The following KLHL1 variants were observed in gnomAD, a reference collection of about 807,000 sequenced individuals.
KLHL1 encodes kelch-like protein 1.
Under a neutral mutation model 77.7 loss-of-function variants are expected in KLHL1, and 47 were observed. The observed-to-expected ratio is 0.60, with a 90% CI of 0.48 to 0.77. The LOEUF is 0.77. Ranked by LOEUF, KLHL1 falls within the 30% of genes least tolerant of loss-of-function variation. The pLI, the probability that KLHL1 is intolerant of heterozygous loss-of-function variation, is 0.00. For synonymous variants in KLHL1, 360 were observed against 325.2 expected (o/e 1.11, Z -1.15); for missense variants, 925 against 910.8 (o/e 1.02, Z -0.20).
At chr13:69,928,293 A>T (rs545539347) in intron 4 of KLHL1, among the ~76,000 whole-genome samples, 2 of 152,130 alleles carry the variant, frequency 1.3e-5, no homozygotes, top group Admixed American at 1.3e-4. Flanking sequence ...CCAATTGACA[A>T]TCTCCACACT....
At chr13:69,717,175 T>A (rs944226311) in intron 9 of KLHL1, among the ~76,000 whole-genome samples, 1 of 152,150 alleles carries the variant, frequency 6.6e-6, no homozygotes, top group Non-Finnish European at 1.5e-5. Flanking sequence ...CCTTGTGATA[T>A]AATAAAATGT....
chr13:69,971,963 T>C (rs1884393851), intron 2 of KLHL1, among the ~76,000 whole-genome samples: 1 of 152,010 alleles, frequency 6.6e-6, no homozygotes, highest in Non-Finnish European at 1.5e-5. Flanking sequence ...ATCCAAGTGA[T>C]CAAGAAAACA....
intron 4 of KLHL1, among the ~76,000 whole-genome samples, chr13:69,939,455 A>G (rs1488595171): frequency 6.7e-6 from 1 of 150,342 alleles, no homozygotes; most frequent in Admixed American, 6.7e-5. Flanking sequence ...CCATAAAATC[A>G]TACTGGCATA....
intron 7 of KLHL1, among the ~76,000 whole-genome samples, chr13:69,742,409 C>G (rs889723253): frequency 1.3e-5 from 2 of 152,096 alleles, no homozygotes; most frequent in African/African-American, 4.8e-5. Flanking sequence ...ATGAGAGACC[C>G]ATGAAGAATT....
At chr13:69,978,358 A>T (rs1884608251) in intron 1 of KLHL1, among the ~76,000 whole-genome samples, 1 of 151,798 alleles carries the variant, frequency 6.6e-6, no homozygotes, top group Non-Finnish European at 1.5e-5. Context: ...ATTAGGTTTT[A>T]AAATTCAAGA....
intron 1 of KLHL1, among the ~76,000 whole-genome samples, chr13:70,014,254 TTC>T (rs1277912428): frequency 6.6e-5 from 10 of 152,114 alleles, no homozygotes; most frequent in Admixed American, 6.5e-5. Context: ...TATATTAATT[TTC>T]TGTTTAAATA....
At chr13:70,066,590 C>A (rs919334497) in intron 1 of KLHL1, among the ~76,000 whole-genome samples, 1 of 152,190 alleles carries the variant, frequency 6.6e-6, no homozygotes, top group Non-Finnish European at 1.5e-5. Context: ...GATTCATAGT[C>A]CTTCGTCGGT....
At chr13:69,766,471 T>G (rs904002837) in intron 7 of KLHL1, among the ~76,000 whole-genome samples, 5 of 149,672 alleles carry the variant, frequency 3.3e-5, no homozygotes, top group African/African-American at 4.9e-5. Flanking sequence ...ACCTAATTTT[T>G]ATATATATAT....
At chr13:69,729,916 G>A (rs182387240) in intron 8 of KLHL1, among the ~76,000 whole-genome samples, 4 of 152,072 alleles carry the variant, frequency 2.6e-5, no homozygotes, top group East Asian at 1.9e-4. Context: ...TATTTTTTAC[G>A]AAGAAAGATA....
At chr13:69,813,801 T>A (rs1325106694) in intron 6 of KLHL1, among the ~76,000 whole-genome samples, 2 of 152,068 alleles carry the variant, frequency 1.3e-5, no homozygotes, top group African/African-American at 4.8e-5. Flanking sequence ...AGAATCAATA[T>A]CATTAAAATG....
intron 1 of KLHL1, among the ~76,000 whole-genome samples, chr13:69,984,648 A>G (rs891864406): frequency 1.3e-5 from 2 of 152,058 alleles, no homozygotes; most frequent in African/African-American, 4.8e-5. Flanking sequence ...GCACTCCTCT[A>G]TCTCTTCAGG....
chr13:69,942,142 T>A (rs779535762), intron 3 of KLHL1, among the ~76,000 whole-genome samples: 7 of 152,068 alleles, frequency 4.6e-5, no homozygotes, highest in Admixed American at 2.0e-4. Flanking sequence ...TAAATTTGAC[T>A]AAAGCTTGAA....
chr13:69,950,269 C>T (rs1377128173), intron 3 of KLHL1, among the ~76,000 whole-genome samples: 1 of 151,600 alleles, frequency 6.6e-6, no homozygotes, highest in East Asian at 1.9e-4. Context: ...TTAAACATGC[C>T]AGTAGCTCAA....
At chr13:69,933,229 G>T (rs1271929762) in intron 4 of KLHL1, among the ~76,000 whole-genome samples, 1 of 151,854 alleles carries the variant, frequency 6.6e-6, no homozygotes, top group African/African-American at 2.4e-5. Flanking sequence ...GTGAGACACT[G>T]AAAAGGAGTA....
intron 8 of KLHL1, among the ~76,000 whole-genome samples, chr13:69,730,734 C>A (rs1222114658): frequency 6.6e-6 from 1 of 151,964 alleles, no homozygotes; most frequent in Non-Finnish European, 1.5e-5. Flanking sequence ...AGCATGCCAC[C>A]ATGCCCAGTT....
At chr13:69,712,818 C>T (rs1875942608) in intron 9 of KLHL1, among the ~76,000 whole-genome samples, 1 of 147,472 alleles carries the variant, frequency 6.8e-6, no homozygotes. Flanking sequence ...TGAGACAAGG[C>T]CTCAGTATGT....
intron 2 of KLHL1, among the ~76,000 whole-genome samples, chr13:69,973,437 T>C (rs1251711771): frequency 1.3e-5 from 2 of 151,696 alleles, no homozygotes; most frequent in Admixed American, 6.6e-5. Context: ...GAAAGAGCTA[T>C]AAATCTTCAT....
intron 8 of KLHL1, among the ~76,000 whole-genome samples, chr13:69,722,437 T>A (rs1269489722): frequency 6.6e-6 from 1 of 151,934 alleles, no homozygotes; most frequent in East Asian, 1.9e-4. Context: ...CAGACCTATA[T>A]CTATCTAATC....
intron 1 of KLHL1, among the ~76,000 whole-genome samples, chr13:70,068,314 C>T (rs1887061116): frequency 6.6e-6 from 1 of 151,766 alleles, no homozygotes; most frequent in Admixed American, 6.6e-5. Flanking sequence ...GCACTCCAGC[C>T]TGGGCGACAG....
Sources: allele counts gnomAD v4.1 joint callset (sites outside exome capture counted in the v4.1 genomes callset), GRCh38; gene constraint gnomAD v4.1.1; transcripts MANE v1.5; gene names NCBI Gene and HGNC (gene_info 2026-07-23, HGNC 2026-07-21).